Variants in DOCK8 observed in about 807,000 individuals in gnomAD.
DOCK8 encodes the protein dedicator of cytokinesis protein 8.
In DOCK8, 141 loss-of-function variants were observed where a neutral mutation model predicts 245.6. That is an observed-to-expected ratio of 0.57 (90% confidence interval 0.50 to 0.66). The LOEUF (loss-of-function observed/expected upper bound fraction) is 0.66. Among genes scored for constraint, DOCK8 ranks in the 30% least tolerant of loss-of-function variants. The probability of loss-of-function intolerance (pLI) is 0.00; values close to 1 mark genes in which losing one functional copy is unlikely to be tolerated. For synonymous variants in DOCK8, 1,168 were observed against 970.2 expected, an observed-to-expected ratio of 1.20 and a Z score of -3.79; for missense variants, 2,965 against 2,603.4, an observed-to-expected ratio of 1.14 and a Z score of -3.02.
chr9:253,298 A>G (rs1260901169), intron 1 of DOCK8, among the ~76,000 whole-genome samples: 4 of 152,156 alleles, frequency 2.6e-5, no homozygotes, highest in African/African-American at 7.2e-5. Context: ...AACACTTCCT[A>G]TGTGCTTTAA....
chr9:251,598 T>G (rs931916673), intron 1 of DOCK8, among the ~76,000 whole-genome samples: 2 of 152,176 alleles, frequency 1.3e-5, no homozygotes, highest in Admixed American at 6.5e-5. Context: ...GGTGATAACA[T>G]TTTCCAGTAG....
chr9:343,363 TG>T (rs1472995482), intron 14 of DOCK8, among the ~76,000 whole-genome samples: 9 of 152,016 alleles, frequency 5.9e-5, no homozygotes, highest in African/African-American at 2.2e-4. Context: ...GGTGTGGTAT[TG>T]TGCATCCCTG....
chr9:252,797 C>CAAA (rs113508710), intron 1 of DOCK8, among the ~76,000 whole-genome samples: 84 of 142,780 alleles, frequency 5.9e-4, no homozygotes, highest in East Asian at 3.5e-3. Flanking sequence ...GACTCCATCT[C>CAAA]AAAAAAAAAA....
At chr9:287,871 G>A (rs2048885039) in intron 3 of DOCK8, among the ~76,000 whole-genome samples, 1 of 152,024 alleles carries the variant, frequency 6.6e-6, no homozygotes, top group African/African-American at 2.4e-5. Flanking sequence ...CTTGGAAAAA[G>A]CTGTTTAAAA....
chr9:386,356 T>A lies in DOCK8; in HGVS notation c.2804T>A (p.Met935Lys). ...ATCGCCGATCGCAACTGCAGCCGAA[T>A]GTCTTACTATTGCTCTGGCAGTAGT... The part of the protein sequence containing the change: ...SKIADRNCSR[M>K]SYYCSGSSDA... Residue 935 changes from methionine (M) to lysine (K), a missense_variant, in exon 23 of 48, where the codon ATG (methionine) becomes AAG (lysine). Met to Lys is a moderately conservative substitution (Grantham distance 95). Transcript: ENST00000432829. The A allele has an allele frequency of 6.2e-7, 1 of 1,613,972 alleles. No homozygotes were observed. Among genetic ancestry groups the A allele is most frequent in the East Asian group, 2.2e-5 (1 of 44,876 alleles).
At chr9:394,626 A>T (rs1382986410) in intron 24 of DOCK8, among the ~76,000 whole-genome samples, 3 of 152,236 alleles carry the variant, frequency 2.0e-5, no homozygotes. Context: ...GTGCTTCTAG[A>T]AACTGCTGAG....
At chr9:417,120 C>G (rs2056057058) in intron 29 of DOCK8, among the ~76,000 whole-genome samples, 1 of 152,098 alleles carries the variant, frequency 6.6e-6, no homozygotes, top group African/African-American at 2.4e-5. Context: ...CATGGCGAAA[C>G]CCTGTCTCCA....
At chr9:451,970 TATA>T (rs2057469055) in intron 45 of DOCK8, 38 bp from the exon 46 acceptor site, 3 of 398,212 alleles carry the variant, frequency 7.5e-6, no homozygotes, top group South Asian at 2.8e-5. Flanking sequence ...TATATATATA[TATA>T]TATATTTTTT....
At chr9:451,865 GTGTGTGTATATA>G in intron 45 of DOCK8, 134 bp from the exon 46 acceptor site, 1 of 236,406 alleles carries the variant, frequency 4.2e-6, no homozygotes, top group African/African-American at 2.6e-5. Context: ...TCATATATAT[GTGTGTGTATATA>G]TATATACATA....
chr9:415,241 C>G (rs1307256409), intron 29 of DOCK8, among the ~76,000 whole-genome samples: 1 of 152,128 alleles, frequency 6.6e-6, no homozygotes, highest in Non-Finnish European at 1.5e-5. Context: ...AAACCATACA[C>G]CACAAAGGAT....
rs200423839 is a variant in DOCK8 at position 361,919 on chromosome 9, TG to T, written c.1680-6098del. ...CTGTCAAAGATAAAATTTTATTTTC[TG>T]CATTTTCACTCAACATTATACACTG... is the stretch of plus-strand genomic sequence containing the variant. On this transcript the variant is annotated intron_variant, in intron 14 of 47. Transcript: ENST00000432829. 5.5e-3 allele frequency among the ~76,000 whole-genome samples: 837 copies of T among 152,340 alleles called. 6 individuals carry two copies. Among genetic ancestry groups the T allele is most frequent in the African/African-American group, 0.019 (804 of 41,570 alleles).
chr9:397,396 T>C (rs1282288204), intron 25 of DOCK8, among the ~76,000 whole-genome samples: 1 of 143,382 alleles, frequency 7.0e-6, no homozygotes, highest in Non-Finnish European at 1.5e-5. Context: ...GTGGTTTAAA[T>C]GATCATATCA....
chr9:298,412 C>T (rs1339168831), intron 4 of DOCK8, among the ~76,000 whole-genome samples: 2 of 152,126 alleles, frequency 1.3e-5, no homozygotes, highest in Non-Finnish European at 2.9e-5. Context: ...GTGAAGGAGC[C>T]AGACTCTGTC....
intron 4 of DOCK8, among the ~76,000 whole-genome samples, chr9:298,432 A>G (rs2049364033): frequency 6.6e-6 from 1 of 152,214 alleles, no homozygotes; most frequent in Non-Finnish European, 1.5e-5. Flanking sequence ...CTCCAAAAAC[A>G]AAAACAAACA....
rs777272289 is a variant in DOCK8, at chr9:433,919, A to G, written c.4830A>G (p.Thr1610=). Residue 1610 remains threonine (T), a synonymous_variant, in exon 38 of 48, where the codon ACA becomes ACG. Coordinates refer to ENST00000432829, the MANE Select transcript of DOCK8 (RefSeq NM_203447.4). ...LCNLNSILYD[T]VKMREFQEDP... Reference sequence around the variant, plus strand: ...ATCTGAATAGCATCTTATATGACACAGTGAAAATGAGGGAATTTCAGGAAG... The same window carrying G: ...ATCTGAATAGCATCTTATATGACACGGTGAAAATGAGGGAATTTCAGGAAG... The G allele has an allele frequency of 6.2e-7, 1 of 1,614,160 alleles. No individual in the cohort carries two copies. Among genetic ancestry groups the G allele is most frequent in the South Asian group, 1.1e-5 (1 of 91,086 alleles).
Position 296,929 on chromosome 9 carries a change from A to G in DOCK8, c.404+7348A>G, listed in dbSNP as rs368761169. On this transcript the variant is annotated intron_variant, in intron 4 of 47. Transcript: ENST00000432829. ...TCAGCTTGGATGCCCTCCTCACACC[A>G]TGTGGGTTCTGATTTTCCATGCCAG... 1.7e-3 allele frequency among the ~76,000 whole-genome samples: 260 copies of G among 152,168 alleles called. 1 individual carries two copies. Among genetic ancestry groups the G allele is most frequent in the African/African-American group, 6.0e-3 (249 of 41,522 alleles).
At chr9:456,597 T>G (rs1176817925) in intron 46 of DOCK8, 1 of 152,196 alleles carries the variant, frequency 6.6e-6, no homozygotes, top group Admixed American at 6.5e-5. Flanking sequence ...GAAACAGCCA[T>G]AAAGAATCCT....
chr9:326,164 A>G (rs1429097315), intron 8 of DOCK8, among the ~76,000 whole-genome samples: 2 of 152,200 alleles, frequency 1.3e-5, no homozygotes, highest in Non-Finnish European at 2.9e-5. Context: ...GACCTTACCA[A>G]CTGTAATGTG....
intron 4 of DOCK8, among the ~76,000 whole-genome samples, chr9:297,470 T>C (rs1174097676): frequency 1.3e-5 from 2 of 152,156 alleles, no homozygotes; most frequent in Admixed American, 6.5e-5. Context: ...TGGGAAGCAA[T>C]AGGTCGAGTT....
Sources: gnomAD v4.1 joint callset for allele counts (sites outside exome capture counted in the v4.1 genomes callset) on GRCh38, gnomAD v4.1.1 for gene constraint, MANE v1.5 for transcripts, NCBI Gene and HGNC (gene_info 2026-07-23, HGNC 2026-07-21) for gene names.